Variants in RET observed in about 807,000 individuals in gnomAD.
The protein encoded by RET is ret proto-oncogene, also known as proto-oncogene tyrosine-protein kinase receptor Ret.
In RET, 19 loss-of-function variants were observed where a neutral mutation model predicts 118.3. The observed-to-expected ratio is 0.16, with a 90% CI of 0.11 to 0.24. RET has a LOEUF of 0.24. RET is among the 10% of genes least tolerant of loss of function. The probability of loss-of-function intolerance (pLI) is 1.00; values close to 1 mark genes in which losing one functional copy is unlikely to be tolerated. For synonymous variants in RET, 597 were observed against 644.1 expected (o/e 0.93, Z 1.11); for missense variants, 1,219 against 1,502.1 (o/e 0.81, Z 3.12).
In RET at chr10:43,114,437, G is replaced by A. The variant is rs371135446; in HGVS notation, c.1880-43G>A. The A allele has an allele frequency of 1.4e-5, 22 of 1,601,912 alleles. No individual in the cohort carries two copies. Among genetic ancestry groups the A allele is most frequent in the Admixed American group, 8.3e-5 (5 of 59,968 alleles). On this transcript the variant is annotated intron_variant, in intron 10 of 19. Transcript: ENST00000355710. This position sits in a 1 kb window ranked among gnomAD's most constrained non-coding sequence, Gnocchi z 4.6. ...TACGCAGCCTGTACCCAGTGGTGCC[G>A]AGCCTCTGGCGGTGCCAAGCCTCAC...
intron 1 of RET, among the ~76,000 whole-genome samples, chr10:43,090,715 TA>T (rs1318570532): frequency 6.6e-6 from 1 of 151,940 alleles, no homozygotes; most frequent in Non-Finnish European, 1.5e-5. Context: ...TAAAATGAAT[TA>T]AAACAAAAAC....
rs141771814 is a variant in RET, at chr10:43,112,872, C to T, written c.1668C>T (p.Ser556=). 3 of 1,614,048 alleles carry T rather than the reference C, an allele frequency of 1.9e-6. No individual in the cohort carries two copies. The Middle Eastern group carries it at 4.9e-4, about 266-fold the overall frequency. ...GTGCAGGGATCACCAGGAACTTCTC[C>T]ACCTGCTCTCCCAGCACCAAGACCT... ...GDGKGITRNF[S]TCSPSTKTCP... is the part of the protein sequence containing the mutation. Residue 556 remains serine, a synonymous_variant, in exon 9 of 20, where the codon TCC becomes TCT. Coordinates refer to ENST00000355710, the MANE Select transcript of RET (RefSeq NM_020975.6).
chr10:43,116,193 ATGG>A (rs1242365771), intron 11 of RET, among the ~76,000 whole-genome samples: 1 of 152,208 alleles, frequency 6.6e-6, no homozygotes, highest in Non-Finnish European at 1.5e-5. Flanking sequence ...GAGGCGGAAC[ATGG>A]TGGCGCCTTT....
chr10:43,126,339 G>A (rs1299760960), intron 18 of RET, among the ~76,000 whole-genome samples: 1 of 152,222 alleles, frequency 6.6e-6, no homozygotes, highest in Non-Finnish European at 1.5e-5. Context: ...CTTTCCAGGG[G>A]AAGAGACAGA....
intron 1 of RET, among the ~76,000 whole-genome samples, chr10:43,080,110 T>C (rs576880720): frequency 6.6e-6 from 1 of 152,356 alleles, no homozygotes; most frequent in African/African-American, 2.4e-5. Flanking sequence ...GAAATCACTG[T>C]TTCCTTGGTG....
intron 19 of RET, chr10:43,127,602 A>G: frequency 2.1e-6 from 1 of 479,356 alleles, no homozygotes; most frequent in African/African-American, 2.2e-5. Flanking sequence ...CTCCTGACTC[A>G]CTGACTCCTC....
Position 43,109,035 on chromosome 10 carries a change from G to T in RET, c.1068G>T (p.Leu356=). Residue 356 remains leucine, a synonymous_variant, in exon 6 of 20, where the codon CTG becomes CTT. Transcript: ENST00000355710. The part of the protein sequence containing the change: ...FVRATVHDYR[L]VLNRNLSISE... Reference sequence around the variant, plus strand: ...TTGTTGTGCCCCTACCTGCAGGGCTGGTTCTCAACCGGAACCTCTCCATCT... The same window carrying T: ...TTGTTGTGCCCCTACCTGCAGGGCTTGTTCTCAACCGGAACCTCTCCATCT... The T allele has an allele frequency of 2.5e-6, 4 of 1,612,740 alleles. No individual in the cohort carries two copies. The highest frequency in any genetic ancestry group is 1.6e-4 in the Middle Eastern group (1 of 6,062).
At chr10:43,095,545 G>A (rs1187270311) in intron 1 of RET, among the ~76,000 whole-genome samples, 1 of 152,206 alleles carries the variant, frequency 6.6e-6, no homozygotes, top group Non-Finnish European at 1.5e-5. Flanking sequence ...CTCAGGACTG[G>A]TCCCCTCTGC....
In RET at chr10:43,077,093, G is replaced by C; in HGVS notation, c.-166G>C. 9.8e-7 allele frequency: 1 copy of C among 1,024,340 alleles called. No homozygotes were observed. The highest frequency in any genetic ancestry group is 3.2e-5 in the South Asian group (1 of 31,388). 63.5% of individuals were successfully genotyped at this position (1,024,340 alleles called of 1,614,324 possible). On this transcript the variant is annotated 5_prime_UTR_variant, in exon 1 of 20. Coordinates refer to ENST00000355710, the MANE Select transcript of RET (RefSeq NM_020975.6). ...CAGTCCCGCGACCGAAGCAGGGCGC[G>C]CAGCAGCGCTGAGTGCCCCGGAACG...
intron 6 of RET, among the ~76,000 whole-genome samples, chr10:43,110,537 G>C (rs1314956432): frequency 6.6e-6 from 1 of 152,180 alleles, no homozygotes; most frequent in African/African-American, 2.4e-5. Flanking sequence ...CTGACTCCAG[G>C]TCCTGGCATC....
intron 15 of RET, 151 bp downstream of exon 15, chr10:43,120,354 G>C (rs1333375218): frequency 8.5e-7 from 1 of 1,176,480 alleles, no homozygotes; most frequent in Non-Finnish European, 1.2e-6. Context: ...CTGACCCTGG[G>C]TCCCCAAGGA....
At chr10:43,124,406 G>A (rs1838285828) in intron 17 of RET, among the ~76,000 whole-genome samples, 1 of 152,122 alleles carries the variant, frequency 6.6e-6, no homozygotes, top group African/African-American at 2.4e-5. Flanking sequence ...GCTGTGGTCT[G>A]CCTGGGCACC....
intron 2 of RET, among the ~76,000 whole-genome samples, chr10:43,101,022 G>A (rs150242982): frequency 9.3e-4 from 142 of 152,340 alleles, no homozygotes; most frequent in African/African-American, 3.0e-3. Flanking sequence ...AGGAGGTTTC[G>A]AGAGAGGGAG....
intron 5 of RET, among the ~76,000 whole-genome samples, chr10:43,108,356 G>A (rs1008523008): frequency 6.6e-6 from 1 of 152,106 alleles, no homozygotes; most frequent in African/African-American, 2.4e-5. Flanking sequence ...TGGTTTGTAG[G>A]GTGTTTCTTA....
intron 1 of RET, among the ~76,000 whole-genome samples, chr10:43,098,622 A>G (rs865933047): frequency 4.9e-4 from 74 of 152,220 alleles, no homozygotes; most frequent in African/African-American, 1.8e-3. Flanking sequence ...GGGTTTCACC[A>G]TGTTGGCTAG....
At position 43,105,169 on chromosome 10, in the gene RET, C is replaced by G. The variant is rs770794801; in HGVS notation, c.843C>G (p.Ala281=). 5 of 1,612,912 alleles carry G rather than the reference C, an allele frequency of 3.1e-6. No homozygotes were observed. Among genetic ancestry groups the G allele is most frequent in the Non-Finnish European group, 4.2e-6 (5 of 1,179,898 alleles). The change falls in exon 4 of 20, where the codon GCC becomes GCG. Residue 281 remains alanine (A), a synonymous_variant. Coordinates refer to ENST00000355710, the MANE Select transcript of RET (RefSeq NM_020975.6). ...TFPAGVDTAS[A]VVEFKRKEDT... is the part of the protein sequence containing the mutation. Reference sequence around the variant, plus strand: ...CCGCGGGCGTCGACACCGCCAGCGCCGTGGTGGAGTTCAAGCGGAAGGAGG... The same window carrying G: ...CCGCGGGCGTCGACACCGCCAGCGCGGTGGTGGAGTTCAAGCGGAAGGAGG...
intron 9 of RET, 146 bp from the exon 10 acceptor site, chr10:43,113,410 G>C: frequency 1.0e-6 from 1 of 965,888 alleles, no homozygotes; most frequent in Non-Finnish European, 1.5e-6. Flanking sequence ...GCCCGGCTAA[G>C]CCAAGCTGCT....
chr10:43,127,423 G>T, intron 19 of RET: 4 of 1,057,722 alleles, frequency 3.8e-6, no homozygotes, highest in Non-Finnish European at 4.6e-6. Context: ...CATGGTCTGT[G>T]GTGCTGTGGT....
intron 2 of RET, 70 bp from the exon 3 acceptor site, chr10:43,102,272 G>GCCT: frequency 6.3e-7 from 1 of 1,591,808 alleles, no homozygotes; most frequent in Non-Finnish European, 8.6e-7. Flanking sequence ...TGGAGCTCCT[G>GCCT]CCTCCTCCCC....
Sources: gnomAD v4.1 joint callset for allele counts (sites outside exome capture counted in the v4.1 genomes callset) on GRCh38, gnomAD v4.1.1 for gene constraint, Gnocchi (gnomAD v3.1) non-coding constraint, MANE v1.5 for transcripts, NCBI Gene and HGNC (gene_info 2026-07-23, HGNC 2026-07-21) for gene names.